Variants in PTPRD observed in about 807,000 individuals in gnomAD.
PTPRD encodes the protein protein tyrosine phosphatase receptor type D.
A neutral mutation model predicts 214.5 loss-of-function variants in PTPRD; 34 were observed. That is an observed-to-expected ratio of 0.16 (90% CI 0.12 to 0.21). The LOEUF is 0.21. Ranked by LOEUF, PTPRD falls within the 10% of genes least tolerant of loss-of-function variation. The pLI, the probability that PTPRD is intolerant of heterozygous loss-of-function variation, is 1.00. For synonymous variants in PTPRD, 1,128 were observed against 845.7 expected (o/e 1.33, Z -5.79); for missense variants, 2,545 against 2,398.7 (o/e 1.06, Z -1.27).
intron 9 of PTPRD, among the ~76,000 whole-genome samples, chr9:9,204,681 C>T (rs182060797): frequency 1.3e-5 from 2 of 152,088 alleles, no homozygotes; most frequent in African/African-American, 4.8e-5. Flanking sequence ...AATTGATGGT[C>T]CTGTTAAATG....
At chr9:8,796,362 G>T (rs578203845) in intron 11 of PTPRD, among the ~76,000 whole-genome samples, 1 of 152,214 alleles carries the variant, frequency 6.6e-6, no homozygotes, top group South Asian at 2.1e-4. Context: ...TGAAACATTT[G>T]ACCTTTACCA....
chr9:9,238,550 T>C (rs1336424795), intron 9 of PTPRD, among the ~76,000 whole-genome samples: 2 of 152,200 alleles, frequency 1.3e-5, no homozygotes, highest in East Asian at 3.9e-4. Context: ...TAAAGGGATC[T>C]TAGAGTCAAA....
At chr9:9,117,461 A>C (rs2154460040) in intron 10 of PTPRD, among the ~76,000 whole-genome samples, 1 of 152,266 alleles carries the variant, frequency 6.6e-6, no homozygotes, top group South Asian at 2.1e-4. Flanking sequence ...CCCACAAGAC[A>C]CTATATATGC....
chr9:8,656,718 A>T (rs2096916924), intron 12 of PTPRD, among the ~76,000 whole-genome samples: 1 of 152,216 alleles, frequency 6.6e-6, no homozygotes, highest in Admixed American at 6.5e-5. Context: ...TTAGCAGAAT[A>T]TCTTTATATG....
At chr9:10,251,066 C>T (rs954857279) in intron 3 of PTPRD, among the ~76,000 whole-genome samples, 5 of 151,926 alleles carry the variant, frequency 3.3e-5, no homozygotes, top group Non-Finnish European at 7.4e-5. Context: ...GGTCTTTGAA[C>T]AAGATGAAGT....
intron 12 of PTPRD, among the ~76,000 whole-genome samples, chr9:8,710,543 C>G (rs1224864550): frequency 6.6e-6 from 1 of 152,044 alleles, no homozygotes; most frequent in Non-Finnish European, 1.5e-5. Context: ...CTGAGCCCAA[C>G]AGGTCGAGGC....
At chr9:9,077,579 G>A (rs188943521) in intron 10 of PTPRD, among the ~76,000 whole-genome samples, 3 of 152,112 alleles carry the variant, frequency 2.0e-5, no homozygotes, top group Admixed American at 2.0e-4. Flanking sequence ...TTGATGTGAA[G>A]AGCCAGTTTT....
chr9:10,182,671 G>C (rs572539513), intron 3 of PTPRD, among the ~76,000 whole-genome samples: 1 of 152,242 alleles, frequency 6.6e-6, no homozygotes, highest in African/African-American at 2.4e-5. Flanking sequence ...TAAAACACTT[G>C]ATTTCACTTT....
At chr9:10,309,011 CTTTAT>C (rs1166817930) in intron 3 of PTPRD, among the ~76,000 whole-genome samples, 1 of 151,950 alleles carries the variant, frequency 6.6e-6, no homozygotes, top group Non-Finnish European at 1.5e-5. Context: ...AAGATATATA[CTTTAT>C]TTTGATATAT....
rs1323817164 is a variant in PTPRD at position 10,352,927 on chromosome 9, TA to T, written c.-599-11911del. ...GCTGCAATACCTTTAGGTGGTTTTTTAATCATAAAATAAATATTAACTTATA... is the reference window on the plus strand; with the variant it reads ...GCTGCAATACCTTTAGGTGGTTTTTTATCATAAAATAAATATTAACTTATA... On this transcript the variant is annotated intron_variant, in intron 2 of 45. Coordinates refer to ENST00000381196, the MANE Select transcript of PTPRD (RefSeq NM_002839.4). Among the ~76,000 whole-genome samples, 3 of 152,132 alleles carry T rather than the reference TA, an allele frequency of 2.0e-5. No homozygotes were observed. The East Asian group carries it at 5.8e-4, about 29-fold the overall frequency.
intron 29 of PTPRD, among the ~76,000 whole-genome samples, chr9:8,484,813 C>A (rs1053142196): frequency 1.3e-5 from 2 of 152,116 alleles, no homozygotes; most frequent in Non-Finnish European, 2.9e-5. Context: ...TAAATATGTA[C>A]TTGCTAACAT....
intron 36 of PTPRD, among the ~76,000 whole-genome samples, chr9:8,396,087 T>G (rs376328714): frequency 6.6e-6 from 1 of 152,182 alleles, no homozygotes; most frequent in African/African-American, 2.4e-5. Flanking sequence ...GCATGAGACA[T>G]GACTACAGAA....
intron 12 of PTPRD, among the ~76,000 whole-genome samples, chr9:8,640,165 A>G (rs1449562939): frequency 6.6e-6 from 1 of 152,122 alleles, no homozygotes; most frequent in African/African-American, 2.4e-5. Context: ...CCAGGGCTCA[A>G]GGATCCTCCC....
intron 12 of PTPRD, among the ~76,000 whole-genome samples, chr9:8,723,538 C>G (rs1295812924): frequency 6.6e-6 from 1 of 152,064 alleles, no homozygotes; most frequent in South Asian, 2.1e-4. Flanking sequence ...CTGGATCTGG[C>G]TTATTGGAGG....
chr9:9,524,495 T>C (rs1370934721), intron 8 of PTPRD, among the ~76,000 whole-genome samples: 1 of 152,214 alleles, frequency 6.6e-6, no homozygotes, highest in Non-Finnish European at 1.5e-5. Flanking sequence ...TCATTTAAAC[T>C]GTAGAAAAGT....
At chr9:8,753,298 G>A (rs2093693879) in intron 11 of PTPRD, among the ~76,000 whole-genome samples, 1 of 152,172 alleles carries the variant, frequency 6.6e-6, no homozygotes, top group African/African-American at 2.4e-5. Context: ...TAATGGAAGT[G>A]ACGTATGTAT....
At chr9:9,705,506 C>G (rs937158775) in intron 7 of PTPRD, among the ~76,000 whole-genome samples, 9 of 152,002 alleles carry the variant, frequency 5.9e-5, no homozygotes, top group Admixed American at 4.6e-4. Flanking sequence ...AGAATGAGAT[C>G]ACTTCTACTA....
chr9:8,571,909 T>C (rs1044947469), intron 14 of PTPRD, among the ~76,000 whole-genome samples: 6 of 152,062 alleles, frequency 3.9e-5, no homozygotes, highest in African/African-American at 1.4e-4. Context: ...TTTCTAGTGA[T>C]GGTTTGGTCA....
chr9:9,536,725 T>C (rs2076589350), intron 8 of PTPRD, among the ~76,000 whole-genome samples: 1 of 152,032 alleles, frequency 6.6e-6, no homozygotes, highest in Non-Finnish European at 1.5e-5. Context: ...AACAAAGCAC[T>C]ATCGCTTTTC....
Sources: gnomAD v4.1 joint callset for allele counts (sites outside exome capture counted in the v4.1 genomes callset) on GRCh38, gnomAD v4.1.1 for gene constraint, MANE v1.5 for transcripts, NCBI Gene and HGNC (gene_info 2026-07-23, HGNC 2026-07-21) for gene names.